The following TNIK variants were observed in gnomAD, a reference collection of about 807,000 sequenced individuals.
TNIK encodes the protein TRAF2 and NCK interacting kinase, also known as TRAF2 and NCK-interacting protein kinase.
In TNIK, 49 loss-of-function variants were observed where a neutral mutation model predicts 191.3. That is an observed-to-expected ratio of 0.26 (90% CI 0.20 to 0.32). The LOEUF (loss-of-function observed/expected upper bound fraction) is 0.32, where lower values mean the gene tolerates loss of function less well. TNIK is among the 10% of genes least tolerant of loss of function. TNIK has a pLI of 1.00. For synonymous variants in TNIK, 594 were observed against 600.9 expected (o/e 0.99, Z 0.17); for missense variants, 1,155 against 1,702.3 (o/e 0.68, Z 5.66).
chr3:171,123,177 C>T (rs1276088656), intron 18 of TNIK, among the ~76,000 whole-genome samples: 1 of 152,160 alleles, frequency 6.6e-6, no homozygotes, highest in African/African-American at 2.4e-5. Flanking sequence ...CTCAATGGTT[C>T]CCAGGGCATG....
chr3:171,324,538 G>GCTGGC (rs1407744381), intron 2 of TNIK, among the ~76,000 whole-genome samples: 1 of 152,094 alleles, frequency 6.6e-6, no homozygotes, highest in Non-Finnish European at 1.5e-5. Flanking sequence ...TAGAACCTGA[G>GCTGGC]CTGGCGAGGG....
intron 2 of TNIK, among the ~76,000 whole-genome samples, chr3:171,244,757 A>G (rs1745400484): frequency 6.6e-6 from 1 of 151,672 alleles, no homozygotes; most frequent in Admixed American, 6.6e-5. Flanking sequence ...TATTTGATAT[A>G]CTTTATTAGA....
At chr3:171,271,698 G>A (rs1458740856) in intron 2 of TNIK, among the ~76,000 whole-genome samples, 1 of 152,098 alleles carries the variant, frequency 6.6e-6, no homozygotes, top group Non-Finnish European at 1.5e-5. Context: ...TTAAAGGAAA[G>A]GGACCATGTC....
Position 171,314,892 on chromosome 3 carries a change from T to C in TNIK, c.123+54728A>G, listed in dbSNP as rs368435290. ...GATTAGTGTAGCTTTCAAGTATCAC[T>C]GAACATCTTTGTCCTTTGCAAACAA... On this transcript the variant is annotated intron_variant, in intron 2 of 32. Transcript: ENST00000436636. Among the ~76,000 whole-genome samples, 22 of 152,304 alleles carry C rather than the reference T, an allele frequency of 1.4e-4. No individual in the cohort carries two copies. The South Asian group carries it at 4.6e-3, about 32-fold the overall frequency.
chr3:171,428,268 C>T (rs778331089), intron 1 of TNIK, among the ~76,000 whole-genome samples: 1 of 152,026 alleles, frequency 6.6e-6, no homozygotes, highest in African/African-American at 2.4e-5. Context: ...TGGATTATGG[C>T]TATATTTTTC....
chr3:171,351,731 G>A (rs1338525733), intron 2 of TNIK, among the ~76,000 whole-genome samples: 1 of 152,016 alleles, frequency 6.6e-6, no homozygotes, highest in Non-Finnish European at 1.5e-5. Flanking sequence ...ATGTAACCTG[G>A]TTACTGCCAG....
At chr3:171,243,941 C>T (rs1186902495) in intron 2 of TNIK, among the ~76,000 whole-genome samples, 2 of 151,700 alleles carry the variant, frequency 1.3e-5, no homozygotes, top group African/African-American at 2.4e-5. Flanking sequence ...AAAGAACCAT[C>T]GATGTTAGAT....
intron 19 of TNIK, among the ~76,000 whole-genome samples, chr3:171,109,247 G>T (rs1374598532): frequency 6.6e-6 from 1 of 152,210 alleles, no homozygotes; most frequent in Non-Finnish European, 1.5e-5. Flanking sequence ...CTGCAGCCTT[G>T]AACTCCTGAG....
At position 171,288,248 on chromosome 3, in the gene TNIK, G is replaced by A. The variant is rs1229164010; in HGVS notation, c.124-60027C>T. On this transcript the variant is annotated intron_variant, in intron 2 of 32. Transcript: ENST00000436636. ...ACGAGTTAGTGGGTGCAGCGCACCA[G>A]CATGGCACATGTATACATATGTAAC... Among the ~76,000 whole-genome samples the A allele has an allele frequency of 1.3e-4, 20 of 149,824 alleles. No homozygotes were observed. The East Asian group carries it at 3.9e-3, about 29-fold the overall frequency.
intron 2 of TNIK, among the ~76,000 whole-genome samples, chr3:171,368,109 C>G (rs1387127337): frequency 6.6e-6 from 1 of 152,194 alleles, no homozygotes; most frequent in Non-Finnish European, 1.5e-5. Flanking sequence ...TCCAAATATT[C>G]TCATCCTTAA....
At chr3:171,442,199 G>A (rs966019282) in intron 1 of TNIK, among the ~76,000 whole-genome samples, 4 of 152,312 alleles carry the variant, frequency 2.6e-5, no homozygotes, top group South Asian at 2.1e-4. Context: ...GCAGCCACAC[G>A]GAGGAAACAG....
chr3:171,351,044 C>G (rs4585229), intron 2 of TNIK, among the ~76,000 whole-genome samples: 46,029 of 151,914 alleles, frequency 0.3, 7,140 homozygotes, highest in East Asian at 0.47. Flanking sequence ...GCACGTGCCT[C>G]TACACCTGGC....
chr3:171,205,207 A>G (rs1045536845), intron 4 of TNIK, among the ~76,000 whole-genome samples: 2 of 152,134 alleles, frequency 1.3e-5, no homozygotes, highest in Non-Finnish European at 2.9e-5. Flanking sequence ...TTTCCTAACT[A>G]TTATGTTTCT....
intron 2 of TNIK, among the ~76,000 whole-genome samples, chr3:171,313,257 T>C (rs1560414065): frequency 1.3e-5 from 2 of 152,038 alleles, no homozygotes; most frequent in Non-Finnish European, 2.9e-5. Context: ...TCTTTCTTTC[T>C]TTCTTTCTTT....
intron 1 of TNIK, among the ~76,000 whole-genome samples, chr3:171,406,162 GAA>G (rs34953852): frequency 2.6e-4 from 39 of 150,592 alleles, no homozygotes; most frequent in Non-Finnish European, 3.0e-4. Flanking sequence ...AGCTAGAAGT[GAA>G]AAAAAAAACC....
chr3:171,257,671 G>T (rs769682693), intron 2 of TNIK, among the ~76,000 whole-genome samples: 3 of 152,246 alleles, frequency 2.0e-5, no homozygotes, highest in South Asian at 2.1e-4. Context: ...GTTCCCACCA[G>T]CAACAAAGAG....
At chr3:171,454,234 G>A (rs1728530635) in intron 1 of TNIK, among the ~76,000 whole-genome samples, 1 of 152,172 alleles carries the variant, frequency 6.6e-6, no homozygotes, top group Admixed American at 6.6e-5. Flanking sequence ...TCAATCACAG[G>A]AGCGCCTGGC....
At chr3:171,436,592 G>T (rs552384612) in intron 1 of TNIK, among the ~76,000 whole-genome samples, 1 of 152,132 alleles carries the variant, frequency 6.6e-6, no homozygotes. Flanking sequence ...TGATGTAATC[G>T]TAAGTCATTT....
At position 171,060,063 on chromosome 3, in the gene TNIK, C is replaced by T. The variant is rs1717687921; in HGVS notation, c.*3818G>A. Among the ~76,000 whole-genome samples, 1 of 152,066 alleles carries T rather than the reference C, an allele frequency of 6.6e-6. No individual in the cohort carries two copies. The highest frequency in any genetic ancestry group is 1.5e-5 in the Non-Finnish European group (1 of 68,012). ...ATGTAGCACATCTTACATCTTAAAGCAATCAGCACAAATGCAAGTGATGCC... is the reference window on the plus strand; with the variant it reads ...ATGTAGCACATCTTACATCTTAAAGTAATCAGCACAAATGCAAGTGATGCC... On this transcript the variant is annotated 3_prime_UTR_variant, in exon 33 of 33. Transcript: ENST00000436636.
Sources: gnomAD v4.1 joint callset for allele counts (sites outside exome capture counted in the v4.1 genomes callset) on GRCh38, gnomAD v4.1.1 for gene constraint, MANE v1.5 for transcripts, NCBI Gene and HGNC (gene_info 2026-07-23, HGNC 2026-07-21) for gene names.